JARID2: variants seen among roughly 807,000 people sequenced by gnomAD.
JARID2 encodes the protein jumonji and AT-rich interaction domain containing 2.
Under a neutral mutation model 125.6 loss-of-function variants are expected in JARID2, and 21 were observed. That is an observed-to-expected ratio of 0.17 (90% CI 0.12 to 0.24). The LOEUF (loss-of-function observed/expected upper bound fraction) is 0.24, where lower values mean the gene tolerates loss of function less well. Among genes scored for constraint, JARID2 ranks in the 10% least tolerant of loss-of-function variants. The pLI, the probability that JARID2 is intolerant of heterozygous loss-of-function variation, is 1.00. For missense variants in JARID2, 1,303 were observed against 1,639.6 expected, an observed-to-expected ratio of 0.79 and a Z score of 3.55; for synonymous variants, 736 against 661.6, an observed-to-expected ratio of 1.11 and a Z score of -1.73.
At chr6:15,404,074 C>T (rs1265386689) in intron 2 of JARID2, among the ~76,000 whole-genome samples, 2 of 152,200 alleles carry the variant, frequency 1.3e-5, no homozygotes, top group Non-Finnish European at 2.9e-5. Context: ...TTCATTTGTG[C>T]CTCGTTGACC....
rs182447033 is a variant in JARID2 at position 15,364,722 on chromosome 6, C to T, written c.46-9395C>T. Among the ~76,000 whole-genome samples the T allele has an allele frequency of 5.1e-3, 772 of 152,312 alleles. 13 individuals are homozygous for T. The highest frequency in any genetic ancestry group is 2.9e-3 in the Admixed American group (45 of 15,308). ...AGGGACGTAGTAAAATGCACTATCA[C>T]GTAACACGCAATGTCAATTGAAACC... On this transcript the variant is annotated intron_variant, in intron 1 of 17. Transcript: ENST00000341776.
intron 12 of JARID2, chr6:15,509,233 GATGGGAA>G: frequency 8.3e-7 from 1 of 1,208,806 alleles, no homozygotes; most frequent in Non-Finnish European, 1.1e-6. Context: ...TACGGCGGCA[GATGGGAA>G]ATGACTACAA....
At chr6:15,435,924 A>G (rs975984771) in intron 3 of JARID2, among the ~76,000 whole-genome samples, 2 of 151,912 alleles carry the variant, frequency 1.3e-5, no homozygotes, top group Non-Finnish European at 2.9e-5. Flanking sequence ...TATGGTTTCT[A>G]TTGAAATGGG....
chr6:15,368,368 A>G (rs1294639295), intron 1 of JARID2, among the ~76,000 whole-genome samples: 1 of 152,150 alleles, frequency 6.6e-6, no homozygotes, highest in Non-Finnish European at 1.5e-5. Context: ...GTGATGCAAT[A>G]CTTTTACTTA....
At chr6:15,373,468 A>G (rs909050533) in intron 1 of JARID2, among the ~76,000 whole-genome samples, 1 of 152,226 alleles carries the variant, frequency 6.6e-6, no homozygotes, top group African/African-American at 2.4e-5. Flanking sequence ...GAGACCTTCA[A>G]GATCCATCAT....
intron 1 of JARID2, among the ~76,000 whole-genome samples, chr6:15,328,510 A>G (rs1230225646): frequency 6.6e-6 from 1 of 152,204 alleles, no homozygotes; most frequent in Non-Finnish European, 1.5e-5. Flanking sequence ...TGGGAGCGTT[A>G]AGTGATTAGA....
intron 1 of JARID2, among the ~76,000 whole-genome samples, chr6:15,300,442 C>T (rs1761564777): frequency 6.6e-6 from 1 of 152,138 alleles, no homozygotes; most frequent in African/African-American, 2.4e-5. Context: ...GCCTGGAAAC[C>T]TTCCCCTCCC....
intron 1 of JARID2, among the ~76,000 whole-genome samples, chr6:15,285,063 A>G (rs1760939665): frequency 6.8e-6 from 1 of 148,028 alleles, no homozygotes; most frequent in South Asian, 2.1e-4. Context: ...TTTCAGAACA[A>G]TTGCATTGAA....
At chr6:15,465,672 C>A (rs1305894604) in intron 4 of JARID2, among the ~76,000 whole-genome samples, 1 of 151,846 alleles carries the variant, frequency 6.6e-6, no homozygotes, top group Non-Finnish European at 1.5e-5. Flanking sequence ...CTCAACAGAT[C>A]CTGTTAAGTG....
chr6:15,479,826 A>G (rs1209795309), intron 5 of JARID2, among the ~76,000 whole-genome samples: 1 of 152,156 alleles, frequency 6.6e-6, no homozygotes, highest in African/African-American at 2.4e-5. Flanking sequence ...TTACACGTGG[A>G]TGGTGGAGCT....
At chr6:15,492,713 C>T (rs754115242) in intron 6 of JARID2, among the ~76,000 whole-genome samples, 2 of 152,172 alleles carry the variant, frequency 1.3e-5, no homozygotes, top group Non-Finnish European at 2.9e-5. Flanking sequence ...CCTGTGGCCT[C>T]TCGTGGTGGG....
intron 4 of JARID2, among the ~76,000 whole-genome samples, chr6:15,464,242 T>C (rs1379214482): frequency 6.6e-6 from 1 of 152,228 alleles, no homozygotes; most frequent in Admixed American, 6.5e-5. Context: ...GTTTGACCCC[T>C]CTGTGATTTT....
intron 3 of JARID2, among the ~76,000 whole-genome samples, chr6:15,416,581 G>T (rs981651984): frequency 4.6e-5 from 7 of 152,108 alleles, no homozygotes; most frequent in Admixed American, 3.9e-4. Flanking sequence ...GCAGGCACTC[G>T]GCAGGCTGAG....
chr6:15,399,030 A>G (rs1348204961), intron 2 of JARID2, among the ~76,000 whole-genome samples: 4 of 152,224 alleles, frequency 2.6e-5, no homozygotes, highest in African/African-American at 9.6e-5. Context: ...TAGAAGGAAG[A>G]GGAAAAAGGC....
At chr6:15,392,899 G>C (rs1765078564) in intron 2 of JARID2, among the ~76,000 whole-genome samples, 1 of 152,020 alleles carries the variant, frequency 6.6e-6, no homozygotes. Context: ...TGGCCAGACT[G>C]GTCTCGAACT....
intron 1 of JARID2, among the ~76,000 whole-genome samples, chr6:15,329,955 A>G (rs1236447408): frequency 1.3e-5 from 2 of 152,184 alleles, no homozygotes; most frequent in Non-Finnish European, 2.9e-5. Context: ...TGTTCAGCAG[A>G]TTCTTGCCCC....
chr6:15,291,679 C>T (rs1022321786), intron 1 of JARID2, among the ~76,000 whole-genome samples: 6 of 152,158 alleles, frequency 3.9e-5, no homozygotes, highest in Admixed American at 2.0e-4. Flanking sequence ...TGCACGGTGC[C>T]TACATGCATA....
intron 2 of JARID2, among the ~76,000 whole-genome samples, chr6:15,408,451 A>C (rs929369556): frequency 6.6e-6 from 1 of 152,180 alleles, no homozygotes; most frequent in Non-Finnish European, 1.5e-5. Flanking sequence ...ATCTCAGTTA[A>C]ATGTCGTCTG....
intron 5 of JARID2, among the ~76,000 whole-genome samples, chr6:15,478,772 C>G (rs545205106): frequency 2.6e-5 from 4 of 152,016 alleles, no homozygotes; most frequent in Non-Finnish European, 5.9e-5. Flanking sequence ...CGGGTTCAAG[C>G]GATTCTCCTG....
Sources: allele counts gnomAD v4.1 joint callset (sites outside exome capture counted in the v4.1 genomes callset), GRCh38; gene constraint gnomAD v4.1.1; transcripts MANE v1.5; gene names NCBI Gene and HGNC (gene_info 2026-07-23, HGNC 2026-07-21).